SLC7A7: variants seen among roughly 807,000 people sequenced by gnomAD.
SLC7A7 encodes solute carrier family 7 member 7, also known as Y+L amino acid transporter 1.
In SLC7A7, 39 loss-of-function variants were observed where a neutral mutation model predicts 47.9. That is an observed-to-expected ratio of 0.81 (90% confidence interval 0.63 to 1.06). The LOEUF (loss-of-function observed/expected upper bound fraction) is 1.06, where lower values mean the gene tolerates loss of function less well. Ranked by LOEUF, SLC7A7 falls within the 50% of genes least tolerant of loss-of-function variation. SLC7A7 has a pLI of 0.00. For missense variants in SLC7A7, 588 were observed against 632.0 expected (o/e 0.93, Z 0.75); for synonymous variants, 234 against 242.8 (o/e 0.96, Z 0.34).
Position 22,774,111 on chromosome 14 carries a change from G to A in SLC7A7, c.1251C>T (p.Ser417=), listed in dbSNP as rs775549397. Reference sequence around the variant, plus strand: ...GGCAGAAGACAATCGGGAAGAAAACGCTGAGCTAAGGGCACAGGAAACATA... The same window carrying A: ...GGCAGAAGACAATCGGGAAGAAAACACTGAGCTAAGGGCACAGGAAACATA... ...EPDRPRPLKL[S]VFFPIVFCLC... is the part of the protein sequence containing the mutation. Residue 417 remains serine (S), a synonymous_variant, in exon 9 of 10, where the codon AGC becomes AGT. Transcript: ENST00000674313. 1.3e-5 allele frequency: 21 copies of A among 1,614,124 alleles called. No individual in the cohort carries two copies. Among genetic ancestry groups the A allele is most frequent in the Admixed American group, 1.7e-5 (1 of 60,012 alleles).
intron 2 of SLC7A7, among the ~76,000 whole-genome samples, chr14:22,793,784 C>G (rs1308815661): frequency 6.6e-6 from 1 of 152,028 alleles, no homozygotes; most frequent in Non-Finnish European, 1.5e-5. Flanking sequence ...CCACTGCACT[C>G]CAGCCTGGGT....
intron 2 of SLC7A7, among the ~76,000 whole-genome samples, chr14:22,788,890 A>G (rs146313136): frequency 0.012 from 1,815 of 152,218 alleles, 42 homozygotes; most frequent in African/African-American, 0.041. Context: ...TGGGGTGGAG[A>G]GGCAGGGACT....
chr14:22,806,185 CTCTTTTTTT>C (rs1306284364), intron 2 of SLC7A7, among the ~76,000 whole-genome samples: 3 of 119,916 alleles, frequency 2.5e-5, no homozygotes, highest in Non-Finnish European at 5.1e-5. Context: ...ACACATCAAT[CTCTTTTTTT>C]TTTTTTTTTT....
intron 2 of SLC7A7, among the ~76,000 whole-genome samples, chr14:22,812,605 C>G (rs1373010664): frequency 1.4e-5 from 2 of 148,062 alleles, no homozygotes; most frequent in Non-Finnish European, 3.0e-5. Flanking sequence ...CACTGCACTC[C>G]AGTCTGGGTG....
chr14:22,815,207 A>G, intron 1 of SLC7A7, 113 bp downstream of exon 1: 1 of 369,154 alleles, frequency 2.7e-6, no homozygotes, highest in African/African-American at 2.1e-5. Flanking sequence ...AGCAATGGAG[A>G]GATGTTAGGG....
chr14:22,775,012 C>T (rs1389702422), intron 7 of SLC7A7, among the ~76,000 whole-genome samples: 2 of 152,150 alleles, frequency 1.3e-5, no homozygotes, highest in Non-Finnish European at 2.9e-5. Context: ...TTTCTCCTAC[C>T]TAAAGCCCAT....
rs757095799 is a variant in SLC7A7 at position 22,773,710 on chromosome 14, G to A, written c.1436C>T (p.Ala479Val). 1.3e-5 allele frequency: 21 copies of A among 1,614,090 alleles called. No homozygotes were observed. Among genetic ancestry groups the A allele is most frequent in the Non-Finnish European group, 1.4e-5 (16 of 1,179,970 alleles). The change falls in exon 10 of 10, where the codon GCC becomes GTC. Residue 479 changes from alanine (A) to valine (V), a missense_variant. Physicochemically the swap from Ala to Val is moderately conservative, Grantham distance 64. Transcript: ENST00000674313. ...PLYLRRIVGS[A>V]TRYLQVLCMS... ...ACACAGGACCTGGAGGTACCTTGTGGCAGACCCTACAAAGAGAACTTTGAG... is the reference window on the plus strand; with the variant it reads ...ACACAGGACCTGGAGGTACCTTGTGACAGACCCTACAAAGAGAACTTTGAG...
chr14:22,796,294 A>T (rs1266054608), intron 2 of SLC7A7, among the ~76,000 whole-genome samples: 1 of 152,192 alleles, frequency 6.6e-6, no homozygotes, highest in Non-Finnish European at 1.5e-5. Context: ...ACCTGGCCAA[A>T]GCTCTCAGAC....
chr14:22,780,094 C>T lies in SLC7A7; in HGVS notation c.500-43G>A, dbSNP rs372915744. 5.0e-6 allele frequency: 8 copies of T among 1,612,002 alleles called. No homozygotes were observed. The African/African-American group carries it at 1.1e-4, about 22-fold the overall frequency. On this transcript the variant is annotated intron_variant, in intron 2 of 9. Coordinates refer to ENST00000674313, the MANE Select transcript of SLC7A7 (RefSeq NM_003982.4). ...CTGATTGGTGACTTACCCTTACCAC[C>T]CTAGGGCCTTAGACTCCCAAGCAAT...
At chr14:22,783,404 C>CTT (rs869031856) in intron 2 of SLC7A7, among the ~76,000 whole-genome samples, 2 of 137,402 alleles carry the variant, frequency 1.5e-5, no homozygotes, top group African/African-American at 2.6e-5. Context: ...TTCTCTACTT[C>CTT]TTTTTTTTTT....
intron 2 of SLC7A7, among the ~76,000 whole-genome samples, chr14:22,807,365 C>T (rs961361271): frequency 4.6e-5 from 7 of 152,122 alleles, no homozygotes; most frequent in African/African-American, 9.7e-5. Flanking sequence ...CCAGAGTTCT[C>T]CTTTTAACTA....
upstream of SLC7A7, among the ~76,000 whole-genome samples, chr14:22,819,366 CTGTT>C (rs983128772): frequency 6.1e-4 from 92 of 150,328 alleles, no homozygotes; most frequent in African/African-American, 2.1e-3. Flanking sequence ...CCCCAGTTCT[CTGTT>C]TGTTTTTCTA....
chr14:22,777,875 A>G (rs1221868183), intron 4 of SLC7A7, among the ~76,000 whole-genome samples: 2 of 152,192 alleles, frequency 1.3e-5, no homozygotes, highest in Non-Finnish European at 2.9e-5. Context: ...GGAGTTCGAG[A>G]CCAGCCTGGC....
chr14:22,777,169 A>C (rs1177160528), intron 4 of SLC7A7, among the ~76,000 whole-genome samples: 1 of 144,304 alleles, frequency 6.9e-6, no homozygotes. Context: ...AAAAAAAAGC[A>C]GGGCGGGGGG....
At chr14:22,805,733 C>T (rs2039190668) in intron 2 of SLC7A7, among the ~76,000 whole-genome samples, 1 of 152,056 alleles carries the variant, frequency 6.6e-6, no homozygotes, top group African/African-American at 2.4e-5. Flanking sequence ...ACCTATGTAA[C>T]AAAGCTGCAC....
chr14:22,784,703 G>A (rs1289652116), intron 2 of SLC7A7, among the ~76,000 whole-genome samples: 1 of 151,994 alleles, frequency 6.6e-6, no homozygotes, highest in Non-Finnish European at 1.5e-5. Flanking sequence ...TACGGTCCCC[G>A]GGAGTAGGAG....
At chr14:22,783,546 A>G (rs997545320) in intron 2 of SLC7A7, among the ~76,000 whole-genome samples, 1 of 151,736 alleles carries the variant, frequency 6.6e-6, no homozygotes, top group Non-Finnish European at 1.5e-5. Context: ...AATTACAGAC[A>G]TTCAACACCA....
rs2038946985 is a variant in SLC7A7, at chr14:22,792,867, A to AGAGAGAG, written c.500-12817_500-12816insCTCTCTC. Among the ~76,000 whole-genome samples, 18 of 122,466 alleles carry AGAGAGAG rather than the reference A, an allele frequency of 1.5e-4. No homozygotes were observed. The Admixed American group carries it at 1.5e-3, about 10-fold the overall frequency. 80.3% of individuals were successfully genotyped at this position (122,466 alleles called of 152,430 possible). On this transcript the variant is annotated intron_variant, in intron 2 of 9. Transcript: ENST00000674313. ...TGTGAGGCCCCGTCTCAAAGAAAGA[A>AGAGAGAG]AGAGAGAGAGAGAGAGAGAGAGAGA...
chr14:22,811,587 C>T (rs953759147), intron 2 of SLC7A7, among the ~76,000 whole-genome samples: 5 of 152,258 alleles, frequency 3.3e-5, no homozygotes, highest in African/African-American at 1.2e-4. Context: ...CAGTGGCTCA[C>T]GCCTGTGATC....
Sources: gnomAD v4.1 joint callset for allele counts (sites outside exome capture counted in the v4.1 genomes callset) on GRCh38, gnomAD v4.1.1 for gene constraint, MANE v1.5 for transcripts, NCBI Gene and HGNC (gene_info 2026-07-23, HGNC 2026-07-21) for gene names.